The following REG3G variants were observed in gnomAD, a reference collection of about 807,000 sequenced individuals.
REG3G encodes the protein regenerating family member 3 gamma, also known as regenerating islet-derived protein 3-gamma.
Under a neutral mutation model 20.9 loss-of-function variants are expected in REG3G, and 19 were observed. The ratio of observed to expected loss-of-function variants is 0.91; its 90% CI spans 0.64 to 1.34. The LOEUF is 1.34. Among genes scored for constraint, REG3G ranks in the 40% most tolerant of loss-of-function variants. REG3G has a pLI of 0.00. For missense variants in REG3G, 235 were observed against 205.0 expected, an observed-to-expected ratio of 1.15 and a Z score of -0.89; for synonymous variants, 89 against 77.4, an observed-to-expected ratio of 1.15 and a Z score of -0.79.
rs747533036 is a variant in REG3G at position 79,027,023 on chromosome 2, C to T, written c.196-11C>T. ...TCAGGCTCCATCTCATTCTCTTTGT[C>T]CCCCTCAAAGCTGGCTTGCCAGAAG... On this transcript the variant is annotated splice_polypyrimidine_tract_variant and intron_variant, in intron 3 of 5. Coordinates refer to ENST00000272324, the MANE Select transcript of REG3G (RefSeq NM_001008387.3). 6 of 1,613,784 alleles carry T rather than the reference C, an allele frequency of 3.7e-6. No individual in the cohort carries two copies. The highest frequency in any genetic ancestry group is 2.2e-5 in the South Asian group (2 of 91,070).
chr2:79,026,584 A>C, intron 2 of REG3G, 129 bp from the exon 3 acceptor site: 2 of 759,756 alleles, frequency 2.6e-6, no homozygotes, highest in Non-Finnish European at 2.2e-6. Flanking sequence ...TTCTGAAAAC[A>C]CAAGGGAAGA....
rs1671678603 is a variant in REG3G, at chr2:79,028,307, G to A, written c.*31G>A. The A allele has an allele frequency of 1.4e-6, 2 of 1,457,402 alleles. No homozygotes were observed. Among genetic ancestry groups the A allele is most frequent in the East Asian group, 4.5e-5 (2 of 44,044 alleles). The allele number at this position is 1,457,402 out of a possible 1,614,324, so 90.3% of individuals were successfully genotyped here. A position where few individuals can be genotyped will look rare whatever the true frequency, so the allele number is the denominator to read the frequency against. The stretch of plus-strand genomic sequence containing the variant: ...GTGGGAAGTCAGCAGCCTGAGCTTG[G>A]CGTGCAGCTCATCATGGACATGAGA... On this transcript the variant is annotated 3_prime_UTR_variant, in exon 6 of 6. Transcript: ENST00000272324.
rs747199182 is a variant in REG3G at position 79,026,153 on chromosome 2, C to A, written c.60C>A (p.Leu20=). 1.2e-6 allele frequency: 2 copies of A among 1,613,968 alleles called. No individual in the cohort carries two copies. The highest frequency in any genetic ancestry group is 1.7e-6 in the Non-Finnish European group (2 of 1,179,862). The change falls in exon 2 of 6, where the codon CTC becomes CTA. Residue 20 remains leucine (L), a synonymous_variant. Coordinates refer to ENST00000272324, the MANE Select transcript of REG3G (RefSeq NM_001008387.3). Reference sequence around the variant, plus strand: ...GGATGCTGCTTTCCTGCCTCATTCTCCTGTGTCAGGTTCAAGGTGAGATTT... The same window carrying A: ...GGATGCTGCTTTCCTGCCTCATTCTACTGTGTCAGGTTCAAGGTGAGATTT... ...VSWMLLSCLI[L]LCQVQGEETQ... is the part of the protein sequence containing the mutation.
At chr2:79,028,030 G>A (rs1671669989) in intron 5 of REG3G, 97 bp downstream of exon 5, 14 of 1,494,388 alleles carry the variant, frequency 9.4e-6, no homozygotes, top group African/African-American at 1.4e-5. Flanking sequence ...GTAATGCAGT[G>A]TTTATGTGCC....
chr2:79,028,156 A>G, intron 5 of REG3G, 53 bp from the exon 6 acceptor site: 1 of 1,413,500 alleles, frequency 7.1e-7, no homozygotes. Context: ...ATGCCTCTTC[A>G]CTGGGTTCAC....
Position 79,028,218 on chromosome 2 carries a change from A to G in REG3G, c.470A>G (p.Lys157Arg). 1 of 1,611,708 alleles carries G rather than the reference A, an allele frequency of 6.2e-7. No individual in the cohort carries two copies. The highest frequency in any genetic ancestry group is 8.5e-7 in the Non-Finnish European group (1 of 1,177,878). The change falls in exon 6 of 6, where the codon AAG (lysine) becomes AGG (arginine). Residue 157 changes from lysine (K) to arginine (R), a missense_variant. Physicochemically the swap from Lys to Arg is conservative, Grantham distance 26 (BLOSUM62 2). Transcript: ENST00000272324. ...TATTCTGTCTCCCTAGGATTTCTGA[A>G]GTGGAAAGATTATAACTGTGATGCA... ...GSLSRSTGFL[K>R]WKDYNCDAKL...
chr2:79,028,004 A>T (rs1420873818), intron 5 of REG3G, 71 bp downstream of exon 5: 1 of 1,593,374 alleles, frequency 6.3e-7, no homozygotes, highest in Admixed American at 1.7e-5. Flanking sequence ...ACCTTCAGGA[A>T]ATCCTTTTCA....
At chr2:79,026,259 T>C in intron 2 of REG3G, 90 bp downstream of exon 2, 1 of 1,293,048 alleles carries the variant, frequency 7.7e-7, no homozygotes, top group South Asian at 1.2e-5. Flanking sequence ...CGTGAGGTAA[T>C]GACGTGGTGT....
At chr2:79,027,232 T>C in intron 4 of REG3G, 61 bp downstream of exon 4, 1 of 1,564,278 alleles carries the variant, frequency 6.4e-7, no homozygotes, top group South Asian at 1.2e-5. Context: ...CCAGGCGCAC[T>C]CCCTGTCCCC....
intron 1 of REG3G, 98 bp downstream of exon 1, chr2:79,025,871 G>A (rs1454400796): frequency 1.7e-5 from 9 of 536,120 alleles, no homozygotes; most frequent in South Asian, 4.6e-5. Flanking sequence ...GAGCACAGGA[G>A]CTCTGAGACT....
intron 4 of REG3G, 85 bp downstream of exon 4, chr2:79,027,256 G>A (rs909106011): frequency 5.4e-5 from 79 of 1,455,990 alleles, no homozygotes; most frequent in Non-Finnish European, 6.8e-5. Flanking sequence ...CCCTGCCCAG[G>A]AAGTACTTTA....
In REG3G at chr2:79,028,352, T is replaced by A; in HGVS notation, c.*76T>A. The A allele has an allele frequency of 2.1e-6, 2 of 968,152 alleles. No homozygotes were observed. The highest frequency in any genetic ancestry group is 3.4e-6 in the Non-Finnish European group (2 of 595,776). 60.0% of individuals were successfully genotyped at this position (968,152 alleles called of 1,614,324 possible). Reference sequence around the variant, plus strand: ...ATGAGACCAGTGTGAAGACTCACCCTGGAAGAGAATATTCTCCCCAAACTG... The same window carrying A: ...ATGAGACCAGTGTGAAGACTCACCCAGGAAGAGAATATTCTCCCCAAACTG... On this transcript the variant is annotated 3_prime_UTR_variant, in exon 6 of 6. Coordinates refer to ENST00000272324, the MANE Select transcript of REG3G (RefSeq NM_001008387.3).
At chr2:79,027,280 C>T (rs1671649628) in intron 4 of REG3G, 109 bp downstream of exon 4, 1 of 1,204,046 alleles carries the variant, frequency 8.3e-7, no homozygotes, top group South Asian at 1.5e-5. Flanking sequence ...AGCACTGGAG[C>T]TCAGATTCTG....
intron 2 of REG3G, 66 bp from the exon 3 acceptor site, chr2:79,026,647 C>A: frequency 1.5e-6 from 2 of 1,297,462 alleles, no homozygotes; most frequent in Non-Finnish European, 2.2e-6. Flanking sequence ...CCTAGATATT[C>A]CCCAAGGTCA....
chr2:79,026,310 C>T (rs1671618909), intron 2 of REG3G, 141 bp downstream of exon 2: 1 of 795,966 alleles, frequency 1.3e-6, no homozygotes, highest in African/African-American at 1.7e-5. Flanking sequence ...TCACTCCTTC[C>T]TTCATGTTAA....
In REG3G at chr2:79,027,821, T is replaced by A. The variant is rs186089792; in HGVS notation, c.348T>A (p.Asp116Glu). The change falls in exon 5 of 6, where the codon GAT becomes GAA. Residue 116 changes from aspartate (D) to glutamate (E), a missense_variant. By Grantham distance (45) the Asp-to-Glu change is conservative. Coordinates refer to ENST00000272324, the MANE Select transcript of REG3G (RefSeq NM_001008387.3). ...LHDPTQGSEP[D>E]GDGWEWSSTD... ...CTTCTCTATAGGGCTCTGAGCCTGA[T>A]GGAGATGGATGGGAGTGGAGTAGCA... 6.2e-7 allele frequency: 1 copy of A among 1,614,046 alleles called. No homozygotes were observed. Among genetic ancestry groups the A allele is most frequent in the East Asian group, 2.2e-5 (1 of 44,852 alleles).
In REG3G at chr2:79,026,388, A is replaced by T. The variant is rs1558695351; in HGVS notation, c.76+219A>T. 6 of 605,428 alleles carry T rather than the reference A, an allele frequency of 9.9e-6. No individual in the cohort carries two copies. In the East Asian group the frequency reaches 1.4e-4, roughly 14 times the overall value. The allele number at this position is 605,428 out of a possible 1,614,324, so 37.5% of individuals were successfully genotyped here. On this transcript the variant is annotated intron_variant, in intron 2 of 5. Coordinates refer to ENST00000272324, the MANE Select transcript of REG3G (RefSeq NM_001008387.3). ...GAGATGGCTTCCATTTAGTCAGTGGACTCTAATATACACTGGTGGGAAAGT... is the reference window on the plus strand; with the variant it reads ...GAGATGGCTTCCATTTAGTCAGTGGTCTCTAATATACACTGGTGGGAAAGT...
chr2:79,026,744 A>G lies in REG3G; in HGVS notation c.108A>G (p.Pro36=). ...GEETQKELPS[P]RISCPKGSKA... ...AAACCCAGAAGGAACTGCCCTCTCC[A>G]CGGATCAGCTGTCCCAAAGGCTCCA... The change falls in exon 3 of 6, where the codon CCA becomes CCG. Residue 36 remains proline, a synonymous_variant. Coordinates refer to ENST00000272324, the MANE Select transcript of REG3G (RefSeq NM_001008387.3). 1 of 1,613,640 alleles carries G rather than the reference A, an allele frequency of 6.2e-7. No individual in the cohort carries two copies. Among genetic ancestry groups the G allele is most frequent in the East Asian group, 2.2e-5 (1 of 44,792 alleles).
Position 79,028,237 on chromosome 2 carries a change from T to A in REG3G, c.489T>A (p.Cys163Ter). Reference sequence around the variant, plus strand: ...TTCTGAAGTGGAAAGATTATAACTGTGATGCAAAGTTACCCTATGTCTGCA... The same window carrying A: ...TTCTGAAGTGGAAAGATTATAACTGAGATGCAAAGTTACCCTATGTCTGCA... ...TGFLKWKDYN[C>*]DAKLPYVCKF... Residue 163 changes from cysteine (C) to a stop codon, truncating the protein, a stop_gained, in exon 6 of 6, where the codon TGT becomes TGA. Transcript: ENST00000272324. LOFTEE classifies it high-confidence loss of function. 1 of 1,613,244 alleles carries A rather than the reference T, an allele frequency of 6.2e-7. No homozygotes were observed.
Sources: allele counts gnomAD v4.1 joint callset, GRCh38; gene constraint gnomAD v4.1.1; transcripts MANE v1.5; gene names NCBI Gene and HGNC (gene_info 2026-07-23, HGNC 2026-07-21).